The following VWA3B variants were observed in gnomAD, a reference collection of about 807,000 sequenced individuals.
The protein encoded by VWA3B is von Willebrand factor A domain-containing protein 3B.
A neutral mutation model predicts 158.3 loss-of-function variants in VWA3B; 138 were observed. The ratio of observed to expected loss-of-function variants is 0.87; its 90% CI spans 0.76 to 1.00. The LOEUF (loss-of-function observed/expected upper bound fraction) is 1.00, where lower values mean the gene tolerates loss of function less well. VWA3B is among the 50% of genes least tolerant of loss of function. The probability of loss-of-function intolerance (pLI) is 0.00; values close to 1 mark genes in which losing one functional copy is unlikely to be tolerated. For missense variants in VWA3B, 1,555 were observed against 1,565.1 expected, an observed-to-expected ratio of 0.99 and a Z score of 0.11; for synonymous variants, 596 against 587.3, an observed-to-expected ratio of 1.01 and a Z score of -0.21.
chr2:98,268,922 G>A (rs1207121402), intron 21 of VWA3B, among the ~76,000 whole-genome samples: 12 of 151,938 alleles, frequency 7.9e-5, no homozygotes, highest in South Asian at 6.2e-4. Context: ...AATTCTCCAC[G>A]TAAAGGTCTT....
chr2:98,159,924 C>T (rs1055922583), intron 7 of VWA3B, among the ~76,000 whole-genome samples: 1 of 151,452 alleles, frequency 6.6e-6, no homozygotes, highest in Non-Finnish European at 1.5e-5. Context: ...GCACAAGAAT[C>T]GCTTTAACCT....
At chr2:98,270,262 G>A (rs986761308) in intron 21 of VWA3B, among the ~76,000 whole-genome samples, 1 of 152,164 alleles carries the variant, frequency 6.6e-6, no homozygotes, top group African/African-American at 2.4e-5. Flanking sequence ...CAAATATTTG[G>A]GTTTGTTTTG....
intron 10 of VWA3B, among the ~76,000 whole-genome samples, chr2:98,189,662 A>G (rs1681412286): frequency 6.6e-6 from 1 of 152,198 alleles, no homozygotes; most frequent in Non-Finnish European, 1.5e-5. Flanking sequence ...AATTATTGAG[A>G]AAAGAGTGTT....
intron 13 of VWA3B, among the ~76,000 whole-genome samples, chr2:98,215,264 A>T (rs911548279): frequency 1.3e-5 from 2 of 151,642 alleles, no homozygotes; most frequent in African/African-American, 4.8e-5. Context: ...AACACGGTGA[A>T]ACCCCGTCTC....
chr2:98,162,447 G>A (rs753596867), intron 7 of VWA3B, among the ~76,000 whole-genome samples: 9 of 152,112 alleles, frequency 5.9e-5, no homozygotes, highest in Non-Finnish European at 1.2e-4. Flanking sequence ...AGGACACCTT[G>A]GCTACATGGC....
intron 16 of VWA3B, among the ~76,000 whole-genome samples, chr2:98,231,738 G>T (rs1203928338): frequency 6.6e-6 from 1 of 152,196 alleles, no homozygotes; most frequent in Admixed American, 6.5e-5. Flanking sequence ...TGCTTTTTCT[G>T]TGTCAACTGA....
At chr2:98,132,087 G>A (rs1656938241) in intron 6 of VWA3B, among the ~76,000 whole-genome samples, 1 of 152,208 alleles carries the variant, frequency 6.6e-6, no homozygotes, top group Admixed American at 6.5e-5. Context: ...GCTGTTCTCT[G>A]ATTAGCTCAT....
intron 19 of VWA3B, among the ~76,000 whole-genome samples, chr2:98,239,559 AT>A (rs1685936484): frequency 6.6e-6 from 1 of 151,122 alleles, no homozygotes; most frequent in African/African-American, 2.4e-5. Flanking sequence ...GTAGCTTTTA[AT>A]TTTTATTGTA....
At chr2:98,189,037 G>A (rs1403869370) in intron 10 of VWA3B, among the ~76,000 whole-genome samples, 1 of 152,070 alleles carries the variant, frequency 6.6e-6, no homozygotes, top group Non-Finnish European at 1.5e-5. Context: ...TTGATATATT[G>A]TATTTCATTT....
intron 2 of VWA3B, among the ~76,000 whole-genome samples, chr2:98,103,581 T>G (rs1683232226): frequency 6.6e-6 from 1 of 152,182 alleles, no homozygotes; most frequent in Non-Finnish European, 1.5e-5. Context: ...TTAGGACTTT[T>G]AAAAGTACTT....
intron 7 of VWA3B, among the ~76,000 whole-genome samples, chr2:98,144,836 G>A (rs1183382968): frequency 6.6e-6 from 1 of 152,138 alleles, no homozygotes; most frequent in East Asian, 1.9e-4. Context: ...CAAGTGCTGG[G>A]ATTACAGGCA....
At chr2:98,182,707 G>A (rs1439213955) in intron 9 of VWA3B, among the ~76,000 whole-genome samples, 1 of 152,022 alleles carries the variant, frequency 6.6e-6, no homozygotes, top group Non-Finnish European at 1.5e-5. Flanking sequence ...ATCACTTGAG[G>A]TCAGGAGTTC....
chr2:98,207,286 A>C, intron 12 of VWA3B: 1 of 497,174 alleles, frequency 2.0e-6, no homozygotes, highest in South Asian at 1.6e-5. Flanking sequence ...GGATGCCACC[A>C]CTGTGCTGCC....
At position 98,148,101 on chromosome 2, in the gene VWA3B, C is replaced by G. The variant is rs535604904; in HGVS notation, c.988+14162C>G. On this transcript the variant is annotated intron_variant, in intron 7 of 27. Transcript: ENST00000477737. ...ATATGTGTTGTGTGGTGTATTTACT[C>G]CTGTAGTTTAGATTTTTTAAAACAT... 4.6e-5 allele frequency among the ~76,000 whole-genome samples: 7 copies of G among 152,188 alleles called. No homozygotes were observed. The South Asian group carries it at 1.0e-3, about 23-fold the overall frequency.
At chr2:98,126,905 C>T (rs1675408155) in intron 5 of VWA3B, among the ~76,000 whole-genome samples, 1 of 151,946 alleles carries the variant, frequency 6.6e-6, no homozygotes, top group Non-Finnish European at 1.5e-5. Context: ...CTCCTTGGCA[C>T]AGTCTGCTCC....
chr2:98,316,862 C>G (rs2106038803), downstream of VWA3B, among the ~76,000 whole-genome samples: 1 of 152,218 alleles, frequency 6.6e-6, no homozygotes, highest in East Asian at 1.9e-4. Context: ...GTACTGGCTC[C>G]TTCTTCACCT....
intron 21 of VWA3B, among the ~76,000 whole-genome samples, chr2:98,263,164 T>C (rs1185290820): frequency 6.6e-6 from 1 of 151,932 alleles, no homozygotes; most frequent in East Asian, 1.9e-4. Context: ...CTAACAGTAT[T>C]TGTGGAATCT....
chr2:98,294,184 T>TCACACACA (rs201470274), intron 23 of VWA3B, among the ~76,000 whole-genome samples: 6 of 68,112 alleles, frequency 8.8e-5, no homozygotes, highest in South Asian at 4.7e-4. Context: ...CTATTTTCCC[T>TCACACACA]CACACACACA....
At position 98,236,700 on chromosome 2, in the gene VWA3B, C is replaced by A. The variant is rs746486474; in HGVS notation, c.2643C>A (p.Asp881Glu). ...PHSSTYVPVL[D>E]KHVVSKVFDE... ...GCTCCACCTATGTTCCCGTCCTGGACAAGCATGTCGTGTCTAAGGTCTTTG... is the reference window on the plus strand; with the variant it reads ...GCTCCACCTATGTTCCCGTCCTGGAAAAGCATGTCGTGTCTAAGGTCTTTG... Residue 881 changes from aspartate (D) to glutamate (E), a missense_variant, in exon 19 of 28, where the codon GAC becomes GAA. Physicochemically the swap from Asp to Glu is conservative, Grantham distance 45 (BLOSUM62 2). Coordinates refer to ENST00000477737, the MANE Select transcript of VWA3B (RefSeq NM_144992.5). The A allele has an allele frequency of 1.2e-6, 2 of 1,614,204 alleles. No homozygotes were observed. The highest frequency in any genetic ancestry group is 2.2e-5 in the South Asian group (2 of 91,058).
Sources: gnomAD v4.1 joint callset for allele counts (sites outside exome capture counted in the v4.1 genomes callset) on GRCh38, gnomAD v4.1.1 for gene constraint, MANE v1.5 for transcripts, NCBI Gene and HGNC (gene_info 2026-07-23, HGNC 2026-07-21) for gene names.